The following FGL1 variants were observed in gnomAD, a reference collection of about 807,000 sequenced individuals.
FGL1 encodes fibrinogen-like protein 1.
A neutral mutation model predicts 43.7 loss-of-function variants in FGL1; 59 were observed. That is an observed-to-expected ratio of 1.35 (90% CI 1.10 to 1.68). The LOEUF (loss-of-function observed/expected upper bound fraction) is 1.68, where lower values mean the gene tolerates loss of function less well. Ranked by LOEUF, FGL1 falls within the 40% of genes most tolerant of loss-of-function variation. The pLI, the probability that FGL1 is intolerant of heterozygous loss-of-function variation, is 0.00. For missense variants in FGL1, 596 were observed against 373.0 expected (o/e 1.60, Z -4.92); for synonymous variants, 192 against 126.5 (o/e 1.52, Z -3.48).
At chr8:17,895,269 A>G (rs113664040) in intron 1 of FGL1, 178 bp downstream of exon 1, 27 of 1,016,088 alleles carry the variant, frequency 2.7e-5, no homozygotes, top group Middle Eastern at 4.5e-4. Context: ...TATCTGTAAC[A>G]AAAGATACAT....
intron 3 of FGL1, among the ~76,000 whole-genome samples, chr8:17,878,754 T>TA (rs1216354736): frequency 6.6e-6 from 1 of 152,152 alleles, no homozygotes; most frequent in Admixed American, 6.5e-5. Context: ...ATAACTAATT[T>TA]AGTAATAATA....
intron 2 of FGL1, among the ~76,000 whole-genome samples, chr8:17,884,039 C>T (rs908129756): frequency 6.0e-5 from 9 of 149,968 alleles, no homozygotes; most frequent in Non-Finnish European, 1.5e-5. Flanking sequence ...TTTCTTTCTC[C>T]TCTTCTTTTT....
At chr8:17,885,957 G>C (rs145611586) in intron 1 of FGL1, among the ~76,000 whole-genome samples, 2 of 152,250 alleles carry the variant, frequency 1.3e-5, no homozygotes, top group African/African-American at 4.8e-5. Context: ...TTCTCCCTAT[G>C]TTGTGAGGCT....
intron 2 of FGL1, among the ~76,000 whole-genome samples, chr8:17,884,830 T>C (rs1454652013): frequency 2.6e-5 from 4 of 152,176 alleles, no homozygotes; most frequent in African/African-American, 9.7e-5. Flanking sequence ...ATGTTTTGTC[T>C]TTTTTATTCA....
chr8:17,888,520 T>C (rs1183675604), intron 1 of FGL1, among the ~76,000 whole-genome samples: 1 of 152,196 alleles, frequency 6.6e-6, no homozygotes, highest in Non-Finnish European at 1.5e-5. Context: ...AATTTCAAGT[T>C]GAAATAAGTA....
chr8:17,889,416 G>A (rs985146762), intron 1 of FGL1, among the ~76,000 whole-genome samples: 9 of 152,148 alleles, frequency 5.9e-5, no homozygotes, highest in Admixed American at 2.0e-4. Flanking sequence ...CAGGTGTGGT[G>A]GTGCACACCT....
intron 1 of FGL1, among the ~76,000 whole-genome samples, chr8:17,893,892 C>T (rs907396343): frequency 6.8e-6 from 1 of 147,118 alleles, no homozygotes; most frequent in Non-Finnish European, 1.5e-5. Context: ...ATTTATTGCA[C>T]AATTAGTTGT....
rs568931562 is a variant in FGL1, at chr8:17,874,114, C to T, written c.407G>A (p.Gly136Glu). 36 of 1,610,392 alleles carry T rather than the reference C, an allele frequency of 2.2e-5. No individual in the cohort carries two copies. The South Asian group carries it at 3.4e-4, about 15-fold the overall frequency. ...AAAGCCATTTTCATAGTCTTTCCATCCTCTAAAAAAGGTAAAGTGGAAGCC... is the reference window on the plus strand; with the variant it reads ...AAAGCCATTTTCATAGTCTTTCCATTCTCTAAAAAAGGTAAAGTGGAAGCC... ...RSDGSENFNR[G>E]WKDYENGFGN... Residue 136 changes from glycine to glutamate, a missense_variant and splice_region_variant, in exon 5 of 8, where the codon GGA becomes GAA. Transcript: ENST00000427924.
chr8:17,883,328 A>C (rs1258543051), intron 2 of FGL1, among the ~76,000 whole-genome samples: 1 of 109,432 alleles, frequency 9.1e-6, no homozygotes, highest in Non-Finnish European at 1.6e-5. Context: ...AATAATATAT[A>C]ATATATTAAA....
chr8:17,881,199 C>G (rs35663364), intron 3 of FGL1, among the ~76,000 whole-genome samples: 1 of 150,226 alleles, frequency 6.7e-6, no homozygotes, highest in Admixed American at 6.6e-5. Flanking sequence ...TGCAGTGGCA[C>G]GATCTTGGCT....
In FGL1 at chr8:17,883,707, A is replaced by G. The variant is rs1292267535; in HGVS notation, c.64-1528T>C. Among the ~76,000 whole-genome samples the G allele has an allele frequency of 2.0e-5, 3 of 146,600 alleles. No individual in the cohort carries two copies. In the East Asian group the frequency reaches 5.9e-4, roughly 29 times the overall value. On this transcript the variant is annotated intron_variant, in intron 2 of 7. Coordinates refer to ENST00000427924, the MANE Select transcript of FGL1 (RefSeq NM_004467.4). Reference sequence around the variant, plus strand: ...ATATATATTTTTTATATATATATATATGTAGTACATCTCCCCTCCCTCCCA... The same window carrying G: ...ATATATATTTTTTATATATATATATGTGTAGTACATCTCCCCTCCCTCCCA...
chr8:17,868,798 T>A, intron 6 of FGL1, 63 bp from the exon 7 acceptor site: 1 of 1,517,334 alleles, frequency 6.6e-7, no homozygotes, highest in East Asian at 2.3e-5. Context: ...AAAATTAAGT[T>A]TATTTCATAA....
intron 3 of FGL1, among the ~76,000 whole-genome samples, chr8:17,875,433 G>C (rs1264438022): frequency 5.9e-5 from 9 of 151,844 alleles, no homozygotes; most frequent in African/African-American, 2.2e-4. Context: ...GTATTTCTTT[G>C]AACACTGAAG....
intron 2 of FGL1, among the ~76,000 whole-genome samples, chr8:17,883,655 C>T (rs1375837969): frequency 7.0e-6 from 1 of 143,116 alleles, no homozygotes; most frequent in African/African-American, 2.6e-5. Flanking sequence ...ATATATAATA[C>T]ATTTATATTT....
At chr8:17,873,917 G>T in intron 5 of FGL1, 102 bp downstream of exon 5, 2 of 682,604 alleles carry the variant, frequency 2.9e-6, no homozygotes, top group Non-Finnish European at 4.5e-6. Flanking sequence ...GCAAATCATA[G>T]CAATTATTGA....
intron 1 of FGL1, among the ~76,000 whole-genome samples, chr8:17,893,211 C>T (rs550714612): frequency 4.6e-5 from 7 of 152,018 alleles, no homozygotes; most frequent in Admixed American, 4.6e-4. Flanking sequence ...AAAAAACAAA[C>T]AAACAAACAA....
chr8:17,885,789 G>C (rs1452399752), intron 1 of FGL1: 1 of 496,542 alleles, frequency 2.0e-6, no homozygotes, highest in African/African-American at 1.9e-5. Context: ...CAAAAACAGA[G>C]GAAGGACTCT....
intron 7 of FGL1, among the ~76,000 whole-genome samples, chr8:17,867,390 A>T (rs1044621573): frequency 3.3e-5 from 5 of 152,166 alleles, no homozygotes; most frequent in Non-Finnish European, 7.3e-5. Flanking sequence ...TCAGAACGCT[A>T]GGGGGAAAAA....
rs1386912833 is a variant in FGL1 at position 17,864,667 on chromosome 8, C to T, written c.864G>A (p.Trp288Ter). Reference sequence around the variant, plus strand: ...ATTTCAGAGAATACCACCACCCATGCCAGGTGTACCAGACAATCCCATTGT... The same window carrying T: ...ATTTCAGAGAATACCACCACCCATGTCAGGTGTACCAGACAATCCCATTGT... ...KTDNGIVWYTWHGWWYSLKSV... is the reference protein window; with the variant it reads ...KTDNGIVWYT Residue 288 changes from tryptophan to a stop codon, truncating the protein, a stop_gained, in exon 8 of 8, where the codon TGG (tryptophan) becomes TGA (stop). Transcript: ENST00000427924. LOFTEE classifies it high-confidence loss of function. The T allele has an allele frequency of 3.1e-6, 5 of 1,613,600 alleles. No homozygotes were observed. The highest frequency in any genetic ancestry group is 1.3e-5 in the African/African-American group (1 of 74,880).
Sources: allele counts gnomAD v4.1 joint callset (sites outside exome capture counted in the v4.1 genomes callset), GRCh38; gene constraint gnomAD v4.1.1; transcripts MANE v1.5; gene names NCBI Gene and HGNC (gene_info 2026-07-23, HGNC 2026-07-21).